Variants in GPD1L observed in about 807,000 individuals in gnomAD.
GPD1L encodes the protein glycerol-3-phosphate dehydrogenase 1-like protein.
GPD1L carries 17 observed loss-of-function variants against 32.9 expected under a neutral mutation model. The observed-to-expected ratio is 0.52, with a 90% CI of 0.35 to 0.78. GPD1L has a LOEUF of 0.78. Ranked by LOEUF, GPD1L falls within the 30% of genes least tolerant of loss-of-function variation. The pLI is 0.01. For synonymous variants in GPD1L, 187 were observed against 165.9 expected (o/e 1.13, Z -0.98); for missense variants, 361 against 447.8 (o/e 0.81, Z 1.75).
At chr3:32,122,158 C>T (rs1559570905) in intron 1 of GPD1L, among the ~76,000 whole-genome samples, 1 of 152,124 alleles carries the variant, frequency 6.6e-6, no homozygotes, top group Non-Finnish European at 1.5e-5. Flanking sequence ...GACTTGTCTG[C>T]GTTCATTCCC....
chr3:32,166,269 TTGAG>T lies in GPD1L; in HGVS notation c.*362_*365del, dbSNP rs1701145893. 6.2e-6 allele frequency: 2 copies of T among 320,006 alleles called. No homozygotes were observed. The highest frequency in any genetic ancestry group is 1.2e-5 in the Non-Finnish European group (2 of 168,246). 19.8% of individuals were successfully genotyped at this position (320,006 alleles called of 1,614,324 possible). On this transcript the variant is annotated 3_prime_UTR_variant, in exon 8 of 8. Coordinates refer to ENST00000282541, the MANE Select transcript of GPD1L (RefSeq NM_015141.4). ...TATTTTAGGTGTAATTCATATGTATTTGAGTGGAGGATTTTTTTTCTCATTTTTC... is the reference window on the plus strand; with the variant it reads ...TATTTTAGGTGTAATTCATATGTATTTGGAGGATTTTTTTTCTCATTTTTC...
chr3:32,121,169 C>T (rs1332067243), intron 1 of GPD1L, among the ~76,000 whole-genome samples: 2 of 151,770 alleles, frequency 1.3e-5, no homozygotes, highest in African/African-American at 4.8e-5. Context: ...TCCCTCCCTC[C>T]TCTTTTTCTC....
At chr3:32,164,196 G>C (rs1559584911) in intron 7 of GPD1L, among the ~76,000 whole-genome samples, 1 of 152,206 alleles carries the variant, frequency 6.6e-6, no homozygotes, top group Non-Finnish European at 1.5e-5. Flanking sequence ...GTTGGAAATG[G>C]CTTTGGATGG....
chr3:32,118,950 T>C (rs945651051), intron 1 of GPD1L, among the ~76,000 whole-genome samples: 2 of 152,250 alleles, frequency 1.3e-5, no homozygotes, highest in Admixed American at 1.3e-4. Flanking sequence ...TGTCAGAATT[T>C]CCTTTTTAAG....
intron 1 of GPD1L, among the ~76,000 whole-genome samples, chr3:32,121,857 G>A (rs548199121): frequency 1.3e-5 from 2 of 150,340 alleles, no homozygotes; most frequent in East Asian, 3.9e-4. Context: ...CGCAACCTCT[G>A]CCTCCCAGTT....
intron 5 of GPD1L, chr3:32,158,487 C>G (rs561808090): frequency 3.5e-5 from 11 of 316,728 alleles, no homozygotes; most frequent in South Asian, 3.2e-4. Context: ...TTCTTCAATC[C>G]GTGCACTTAG....
chr3:32,140,026 G>A (rs947326706), intron 3 of GPD1L, among the ~76,000 whole-genome samples: 5 of 152,154 alleles, frequency 3.3e-5, no homozygotes, highest in Middle Eastern at 3.2e-3. Context: ...TGTCAGTCAC[G>A]TTCTATTTCT....
chr3:32,134,909 A>G (rs1276108534), intron 2 of GPD1L, among the ~76,000 whole-genome samples: 1 of 152,242 alleles, frequency 6.6e-6, no homozygotes, highest in Non-Finnish European at 1.5e-5. Context: ...TTGTAGTTTC[A>G]AAACATTGCC....
chr3:32,117,576 G>T (rs1452013960), intron 1 of GPD1L, among the ~76,000 whole-genome samples: 1 of 152,186 alleles, frequency 6.6e-6, no homozygotes, highest in Non-Finnish European at 1.5e-5. Flanking sequence ...TAGTCTTTCA[G>T]TTGTTATGTC....
intron 4 of GPD1L, among the ~76,000 whole-genome samples, chr3:32,145,938 G>A (rs757001188): frequency 9.9e-5 from 15 of 151,942 alleles, no homozygotes; most frequent in Admixed American, 6.6e-4. Context: ...TCACATGCCC[G>A]TCACCCATCT....
At chr3:32,151,228 C>A (rs1700915264) in intron 5 of GPD1L, 1 of 596,924 alleles carries the variant, frequency 1.7e-6, no homozygotes, top group Non-Finnish European at 3.2e-6. Context: ...TTTTTCTGAT[C>A]ATTTTCCTTC....
rs182986426 is a variant in GPD1L at position 32,163,891 on chromosome 3, G to T, written c.960-1923G>T. Among the ~76,000 whole-genome samples the T allele has an allele frequency of 5.3e-5, 8 of 152,286 alleles. No homozygotes were observed. In the East Asian group the frequency reaches 1.4e-3, roughly 26 times the overall value. On this transcript the variant is annotated intron_variant, in intron 7 of 7. Transcript: ENST00000282541. ...TGGAGGTGAACATTATTAAAGTGTT[G>T]GCCCAGTGGCTCTGGCTCTGGATTA...
At chr3:32,113,403 AT>A (rs1700281929) in intron 1 of GPD1L, among the ~76,000 whole-genome samples, 2 of 152,004 alleles carry the variant, frequency 1.3e-5, no homozygotes, top group Admixed American at 1.3e-4. Flanking sequence ...AAAGTCACAT[AT>A]CTCCTAAATC....
intron 3 of GPD1L, 142 bp from the exon 4 acceptor site, chr3:32,140,086 A>T: frequency 1.2e-6 from 1 of 827,002 alleles, no homozygotes; most frequent in Non-Finnish European, 2.1e-6. Context: ...ATTCTTCTTT[A>T]AGCTGTACAT....
intron 2 of GPD1L, among the ~76,000 whole-genome samples, chr3:32,130,749 A>C (rs1480381577): frequency 6.9e-6 from 1 of 145,298 alleles, no homozygotes; most frequent in Non-Finnish European, 1.5e-5. Context: ...GCAGTGGCTC[A>C]TGCCTGTAAT....
chr3:32,146,385 CA>C (rs1177594228), intron 4 of GPD1L, among the ~76,000 whole-genome samples: 2 of 151,698 alleles, frequency 1.3e-5, no homozygotes, highest in Non-Finnish European at 2.9e-5. Context: ...CGTGTCTGGC[CA>C]AAAAAAACTT....
chr3:32,124,377 A>G (rs1482116391), intron 1 of GPD1L, among the ~76,000 whole-genome samples: 1 of 152,168 alleles, frequency 6.6e-6, no homozygotes, highest in Non-Finnish European at 1.5e-5. Flanking sequence ...TTTCTTTAGA[A>G]CAGGGTGTGC....
Position 32,140,217 on chromosome 3 carries a change from C to A in GPD1L, c.367-11C>A, listed in dbSNP as rs113202696. The A allele has an allele frequency of 6.0e-5, 97 of 1,613,952 alleles. No individual in the cohort carries two copies. Among genetic ancestry groups the A allele is most frequent in the Middle Eastern group, 1.7e-4 (1 of 5,978 alleles). ...GGTTTGTTCTCTCCTAACTTCTTGG[C>A]ATCCTTGTAGGGCATAGACGAGGGC... On this transcript the variant is annotated splice_polypyrimidine_tract_variant and intron_variant, in intron 3 of 7. Coordinates refer to ENST00000282541, the MANE Select transcript of GPD1L (RefSeq NM_015141.4).
At chr3:32,161,507 T>A (rs898431327) in intron 7 of GPD1L, among the ~76,000 whole-genome samples, 1 of 152,034 alleles carries the variant, frequency 6.6e-6, no homozygotes, top group Non-Finnish European at 1.5e-5. Context: ...CAAAAAAAAA[T>A]AATACTTGGC....
Sources: allele counts gnomAD v4.1 joint callset (sites outside exome capture counted in the v4.1 genomes callset), GRCh38; gene constraint gnomAD v4.1.1; transcripts MANE v1.5; gene names NCBI Gene and HGNC (gene_info 2026-07-23, HGNC 2026-07-21).